The following SNAP29 variants were observed in gnomAD, a reference collection of about 807,000 sequenced individuals.
SNAP29 encodes the protein synaptosomal-associated protein 29.
Under a neutral mutation model 27.9 loss-of-function variants are expected in SNAP29, and 13 were observed. The observed-to-expected ratio is 0.47, with a 90% CI of 0.30 to 0.74. SNAP29 has a LOEUF of 0.74. Among genes scored for constraint, SNAP29 ranks in the 30% least tolerant of loss-of-function variants. SNAP29 has a pLI of 0.06. For synonymous variants in SNAP29, 119 were observed against 127.1 expected (o/e 0.94, Z 0.43); for missense variants, 368 against 336.5 (o/e 1.09, Z -0.73).
rs1929111026 is a variant in SNAP29, at chr22:20,889,994, C to T, written c.*2158C>T. ...GTATATGGAAGGGGAGTTGCCTTCA[C>T]TTTTCTGGAAATTTGTCTTCGTCTG... On this transcript the variant is annotated 3_prime_UTR_variant, in exon 5 of 5. Coordinates refer to ENST00000215730, the MANE Select transcript of SNAP29 (RefSeq NM_004782.4). 2 of 332,786 alleles carry T rather than the reference C, an allele frequency of 6.0e-6. No homozygotes were observed. Among genetic ancestry groups the T allele is most frequent in the Non-Finnish European group, 1.1e-5 (2 of 185,584 alleles). The allele number at this position is 332,786 out of a possible 1,614,324, so 20.6% of individuals were successfully genotyped here.
At chr22:20,883,327 C>T in intron 3 of SNAP29, 144 bp from the exon 4 acceptor site, 2 of 647,464 alleles carry the variant, frequency 3.1e-6, no homozygotes, top group Non-Finnish European at 5.8e-6. Flanking sequence ...GCGCTGTGCT[C>T]CTCCCTCATC....
At position 20,869,789 on chromosome 22, in the gene SNAP29, G is replaced by A. The variant is rs529429397; in HGVS notation, c.238-548G>A. 1.7e-3 allele frequency among the ~76,000 whole-genome samples: 265 copies of A among 151,978 alleles called. 2 individuals are homozygous for A. The highest frequency in any genetic ancestry group is 6.1e-3 in the African/African-American group (252 of 41,446). On this transcript the variant is annotated intron_variant, in intron 1 of 4. Coordinates refer to ENST00000215730, the MANE Select transcript of SNAP29 (RefSeq NM_004782.4). ...CATCCATCTCCCCTCACCCCCAACC[G>A]AGACGGAGTCTTGCTCTGTCGCCCA... is the stretch of plus-strand genomic sequence containing the variant.
intron 2 of SNAP29, among the ~76,000 whole-genome samples, chr22:20,878,178 T>C (rs563612936): frequency 3.2e-4 from 49 of 152,024 alleles, no homozygotes; most frequent in Middle Eastern, 3.2e-3. Context: ...GCAGCACCCA[T>C]GGGGAGTAAG....
intron 4 of SNAP29, among the ~76,000 whole-genome samples, chr22:20,887,281 C>G (rs1929039930): frequency 6.6e-6 from 1 of 151,546 alleles, no homozygotes; most frequent in Non-Finnish European, 1.5e-5. Context: ...CAGTGCTAAG[C>G]CTTTGTGTAT....
At chr22:20,865,283 A>G (rs118102236) in intron 1 of SNAP29, among the ~76,000 whole-genome samples, 2,666 of 152,092 alleles carry the variant, frequency 0.018, 32 homozygotes, top group Middle Eastern at 0.045. Context: ...TGAACCAGGG[A>G]GGTCAAGGCT....
intron 2 of SNAP29, among the ~76,000 whole-genome samples, chr22:20,875,638 G>C (rs1376159118): frequency 6.6e-6 from 1 of 152,220 alleles, no homozygotes; most frequent in Non-Finnish European, 1.5e-5. Flanking sequence ...AAGCCGGGAT[G>C]AAGGAAGTTG....
intron 2 of SNAP29, 113 bp from the exon 3 acceptor site, chr22:20,880,936 C>T: frequency 1.4e-6 from 1 of 728,500 alleles, no homozygotes; most frequent in East Asian, 2.8e-5. Flanking sequence ...GAGTTTGGCA[C>T]AGAGGAGGCA....
At chr22:20,873,259 C>T (rs576297934) in intron 2 of SNAP29, among the ~76,000 whole-genome samples, 42 of 152,036 alleles carry the variant, frequency 2.8e-4, no homozygotes, top group Non-Finnish European at 5.1e-4. Flanking sequence ...AGTCCTCCCA[C>T]CTCGGCCTCC....
At chr22:20,866,482 G>A (rs1223148300) in intron 1 of SNAP29, among the ~76,000 whole-genome samples, 9 of 152,144 alleles carry the variant, frequency 5.9e-5, no homozygotes, top group African/African-American at 2.2e-4. Flanking sequence ...CTGAGTTTAC[G>A]AGCTCAGTAT....
At chr22:20,881,211 G>T in intron 3 of SNAP29, 77 bp downstream of exon 3, 1 of 1,025,748 alleles carries the variant, frequency 9.7e-7, no homozygotes, top group Non-Finnish European at 1.5e-6. Context: ...GTCCTTGGGG[G>T]GCAGTGGCAA....
Position 20,863,684 on chromosome 22 carries a change from G to T in SNAP29, c.237+4337G>T, listed in dbSNP as rs576221928. Among the ~76,000 whole-genome samples the T allele has an allele frequency of 9.9e-5, 15 of 151,862 alleles. No individual in the cohort carries two copies. In the South Asian group the frequency reaches 2.7e-3, roughly 27 times the overall value. Reference sequence around the variant, plus strand: ...GATTTCTTCTTTTTTTTTTCCTAAGGTTTAATTTTTATGAAGAGAGATTCC... The same window carrying T: ...GATTTCTTCTTTTTTTTTTCCTAAGTTTTAATTTTTATGAAGAGAGATTCC... On this transcript the variant is annotated intron_variant, in intron 1 of 4. Coordinates refer to ENST00000215730, the MANE Select transcript of SNAP29 (RefSeq NM_004782.4).
chr22:20,879,135 G>A (rs1200086108), intron 2 of SNAP29, among the ~76,000 whole-genome samples: 13 of 151,758 alleles, frequency 8.6e-5, no homozygotes, highest in East Asian at 1.9e-4. Flanking sequence ...GTGAAACCCC[G>A]TCTCCACTAA....
intron 1 of SNAP29, among the ~76,000 whole-genome samples, chr22:20,863,040 A>T (rs757268255): frequency 1.3e-5 from 2 of 152,162 alleles, no homozygotes; most frequent in Non-Finnish European, 2.9e-5. Context: ...GGTGCACGCC[A>T]CCACACTCGA....
intron 2 of SNAP29, 185 bp downstream of exon 2, chr22:20,870,718 C>T: frequency 3.0e-6 from 2 of 665,800 alleles, no homozygotes; most frequent in South Asian, 1.7e-5. Context: ...CCCATGTTCA[C>T]TTGATTGACA....
intron 2 of SNAP29, among the ~76,000 whole-genome samples, chr22:20,871,460 A>T (rs189463082): frequency 2.0e-4 from 29 of 145,602 alleles, no homozygotes; most frequent in Admixed American, 1.1e-3. Context: ...CTACAGCATC[A>T]GTGACAGAGT....
rs1929076081 is a variant in SNAP29 at position 20,888,389 on chromosome 22, C to A, written c.*553C>A. 1 of 193,824 alleles carries A rather than the reference C, an allele frequency of 5.2e-6. No homozygotes were observed. The highest frequency in any genetic ancestry group is 1.1e-5 in the Non-Finnish European group (1 of 93,998). The allele number at this position is 193,824 out of a possible 1,614,324, so 12.0% of individuals were successfully genotyped here. A position where few individuals can be genotyped will look rare whatever the true frequency, so the allele number is the denominator to read the frequency against. ...GCACATTATCTGTGATTCTTTCATC[C>A]TCCCAGAAAGGATCAGTGTTAGAAT... is the stretch of plus-strand genomic sequence containing the variant. On this transcript the variant is annotated 3_prime_UTR_variant, in exon 5 of 5. Coordinates refer to ENST00000215730, the MANE Select transcript of SNAP29 (RefSeq NM_004782.4).
intron 1 of SNAP29, among the ~76,000 whole-genome samples, chr22:20,863,538 C>A (rs1928383846): frequency 6.6e-6 from 1 of 152,192 alleles, no homozygotes; most frequent in African/African-American, 2.4e-5. Flanking sequence ...GCTATGACCA[C>A]AAAAGAACAG....
At chr22:20,859,993 T>C (rs1057192152) in intron 1 of SNAP29, among the ~76,000 whole-genome samples, 6 of 152,154 alleles carry the variant, frequency 3.9e-5, no homozygotes, top group African/African-American at 1.4e-4. Context: ...GTTAAGAGTT[T>C]GTTGCTCCAA....
chr22:20,867,420 C>A (rs1256841849), intron 1 of SNAP29, among the ~76,000 whole-genome samples: 1 of 152,128 alleles, frequency 6.6e-6, no homozygotes, highest in African/African-American at 2.4e-5. Context: ...CCTGGCCTGT[C>A]CTTACAGACT....
Sources: gnomAD v4.1 joint callset for allele counts (sites outside exome capture counted in the v4.1 genomes callset) on GRCh38, gnomAD v4.1.1 for gene constraint, MANE v1.5 for transcripts, NCBI Gene and HGNC (gene_info 2026-07-23, HGNC 2026-07-21) for gene names.